ARHGEF38: variants seen among roughly 807,000 people sequenced by gnomAD.
The protein encoded by ARHGEF38 is Rho guanine nucleotide exchange factor 38, also known as Rho guanine nucleotide exchange factor (GEF) 38.
In ARHGEF38, 79 loss-of-function variants were observed where a neutral mutation model predicts 79.9. The observed-to-expected ratio is 0.99, with a 90% confidence interval of 0.82 to 1.19. ARHGEF38 has a LOEUF of 1.19. Among genes scored for constraint, ARHGEF38 ranks in the 50% most tolerant of loss-of-function variants. The pLI is 0.00. For missense variants in ARHGEF38, 962 were observed against 907.2 expected, an observed-to-expected ratio of 1.06 and a Z score of -0.78; for synonymous variants, 366 against 328.3, an observed-to-expected ratio of 1.11 and a Z score of -1.24.
rs138288173 is a variant in ARHGEF38, at chr4:105,583,686, A to G, written c.197-5562A>G. On this transcript the variant is annotated intron_variant, in intron 1 of 13. Transcript: ENST00000420470. ...TTATTTATGTTCTTCTTCCCCAACT[A>G]GAAGTAAAGTTCCATAAGGAAAGGA... Among the ~76,000 whole-genome samples the G allele has an allele frequency of 2.6e-5, 4 of 152,272 alleles. No individual in the cohort carries two copies. The East Asian group carries it at 7.7e-4, about 29-fold the overall frequency.
chr4:105,578,824 G>A (rs1450505929), intron 1 of ARHGEF38, among the ~76,000 whole-genome samples: 1 of 152,112 alleles, frequency 6.6e-6, no homozygotes, highest in Non-Finnish European at 1.5e-5. Context: ...CTGGAAGACA[G>A]TTGATATTTG....
chr4:105,677,934 T>G lies in ARHGEF38; in HGVS notation c.2331T>G (p.Ala777=). 1 of 1,501,416 alleles carries G rather than the reference T, an allele frequency of 6.7e-7. No individual in the cohort carries two copies. Among genetic ancestry groups the G allele is most frequent in the Non-Finnish European group, 8.9e-7 (1 of 1,124,618 alleles). The allele number at this position is 1,501,416 out of a possible 1,614,324, so 93.0% of individuals were successfully genotyped here. A position where few individuals can be genotyped will look rare whatever the true frequency, so the allele number is the denominator to read the frequency against. Residue 777 remains alanine, a synonymous_variant, in exon 14 of 14, where the codon GCT becomes GCG. Transcript: ENST00000420470. ...ACTACCTTGGAAAGATGACTTATGC[T>G]TAAGAAAATAAGCCTTCAACTTTTA... ...PANYLGKMTY[A] is the part of the protein sequence containing the mutation.
chr4:105,617,533 C>G (rs947080053), intron 3 of ARHGEF38, among the ~76,000 whole-genome samples: 4 of 152,140 alleles, frequency 2.6e-5, no homozygotes, highest in African/African-American at 9.7e-5. Context: ...ATTAATCAGT[C>G]TTTGGAAATG....
intron 2 of ARHGEF38, among the ~76,000 whole-genome samples, chr4:105,595,928 T>C (rs1467078395): frequency 1.3e-5 from 2 of 152,224 alleles, no homozygotes; most frequent in East Asian, 3.8e-4. Context: ...GTTGACTGTA[T>C]GCCATTATGG....
intron 1 of ARHGEF38, among the ~76,000 whole-genome samples, chr4:105,564,337 T>A (rs1345901666): frequency 2.6e-5 from 4 of 152,152 alleles, no homozygotes; most frequent in African/African-American, 9.7e-5. Flanking sequence ...TGCAGTAAAA[T>A]TCTGACACGC....
At position 105,653,645 on chromosome 4, in the gene ARHGEF38, A is replaced by G. The variant is rs770966672; in HGVS notation, c.1009-420A>G. On this transcript the variant is annotated intron_variant, in intron 7 of 13. Transcript: ENST00000420470. Reference sequence around the variant, plus strand: ...ATCTAAGAATATTTTCTAAATAAGCACTGTTAAATAAATTGGAATGAATCA... The same window carrying G: ...ATCTAAGAATATTTTCTAAATAAGCGCTGTTAAATAAATTGGAATGAATCA... Among the ~76,000 whole-genome samples the G allele has an allele frequency of 1.8e-4, 28 of 152,352 alleles. 1 individual carries two copies. The highest frequency in any genetic ancestry group is 3.4e-4 in the Non-Finnish European group (23 of 68,040).
At chr4:105,564,224 T>C (rs765460705) in intron 1 of ARHGEF38, among the ~76,000 whole-genome samples, 17 of 152,222 alleles carry the variant, frequency 1.1e-4, no homozygotes, top group Non-Finnish European at 2.4e-4. Context: ...TCTTTGAAAA[T>C]ATTTATTGTT....
chr4:105,646,298 G>C (rs1729836926), intron 6 of ARHGEF38, among the ~76,000 whole-genome samples: 2 of 151,994 alleles, frequency 1.3e-5, no homozygotes, highest in Admixed American at 1.3e-4. Context: ...GTATACAAAG[G>C]ATCACTGTCC....
intron 9 of ARHGEF38, 21 bp from the exon 10 acceptor site, chr4:105,659,033 G>C: frequency 6.6e-7 from 1 of 1,517,896 alleles, no homozygotes; most frequent in Non-Finnish European, 8.8e-7. Context: ...TCTGAAATGG[G>C]CTCATTTTTT....
intron 7 of ARHGEF38, among the ~76,000 whole-genome samples, chr4:105,651,178 T>C (rs565931516): frequency 6.6e-6 from 1 of 152,342 alleles, no homozygotes; most frequent in South Asian, 2.1e-4. Flanking sequence ...TAAAAGTGAA[T>C]TGTAGTTAAA....
chr4:105,657,965 T>C (rs923113984), intron 9 of ARHGEF38, among the ~76,000 whole-genome samples: 1 of 152,066 alleles, frequency 6.6e-6, no homozygotes, highest in African/African-American at 2.4e-5. Context: ...TAAGCATATA[T>C]GATAAAGGGT....
At chr4:105,580,372 TAAC>T (rs1020243516) in intron 1 of ARHGEF38, among the ~76,000 whole-genome samples, 1 of 152,198 alleles carries the variant, frequency 6.6e-6, no homozygotes, top group African/African-American at 2.4e-5. Context: ...ATTTCCCTCT[TAAC>T]ACTGCCTTAG....
chr4:105,668,697 GA>G (rs1730854314), intron 13 of ARHGEF38, among the ~76,000 whole-genome samples: 1 of 151,216 alleles, frequency 6.6e-6, no homozygotes, highest in African/African-American at 2.4e-5. Flanking sequence ...TAGATAGATA[GA>G]TAGATAGATG....
chr4:105,586,412 A>C (rs1301098936), intron 1 of ARHGEF38, among the ~76,000 whole-genome samples: 2 of 152,060 alleles, frequency 1.3e-5, no homozygotes, highest in African/African-American at 4.8e-5. Flanking sequence ...TTTCACTGAC[A>C]CTTTATTTCA....
At chr4:105,676,605 T>C (rs899216906) in intron 13 of ARHGEF38, among the ~76,000 whole-genome samples, 2 of 152,230 alleles carry the variant, frequency 1.3e-5, no homozygotes, top group African/African-American at 4.8e-5. Flanking sequence ...ATCAATCTTA[T>C]GATTTTGTTG....
intron 8 of ARHGEF38, among the ~76,000 whole-genome samples, chr4:105,655,178 A>G (rs1024652353): frequency 6.6e-6 from 1 of 152,236 alleles, no homozygotes; most frequent in African/African-American, 2.4e-5. Context: ...GGGAACATCT[A>G]CAGGAAAGTC....
intron 3 of ARHGEF38, among the ~76,000 whole-genome samples, chr4:105,625,349 A>C (rs1266922659): frequency 6.6e-6 from 1 of 152,230 alleles, no homozygotes; most frequent in African/African-American, 2.4e-5. Flanking sequence ...GTAGATTAGA[A>C]TTAAGTTCAG....
At chr4:105,566,530 A>G (rs556956486) in intron 1 of ARHGEF38, among the ~76,000 whole-genome samples, 33 of 152,348 alleles carry the variant, frequency 2.2e-4, no homozygotes, top group Admixed American at 7.8e-4. Context: ...TAGAGTATCA[A>G]TCACCTCAAG....
chr4:105,646,312 C>T (rs1209736736), intron 6 of ARHGEF38, among the ~76,000 whole-genome samples: 1 of 152,046 alleles, frequency 6.6e-6, no homozygotes, highest in South Asian at 2.1e-4. Flanking sequence ...ACTGTCCAGA[C>T]TATATAATCA....
Sources: gnomAD v4.1 joint callset for allele counts (sites outside exome capture counted in the v4.1 genomes callset) on GRCh38, gnomAD v4.1.1 for gene constraint, MANE v1.5 for transcripts, NCBI Gene and HGNC (gene_info 2026-07-23, HGNC 2026-07-21) for gene names.